PTPRA: variants seen among roughly 807,000 people sequenced by gnomAD.
PTPRA encodes protein tyrosine phosphatase receptor type A.
In PTPRA, 25 loss-of-function variants were observed where a neutral mutation model predicts 104.8. That is an observed-to-expected ratio of 0.24 (90% CI 0.17 to 0.33). The LOEUF (loss-of-function observed/expected upper bound fraction) is 0.33. PTPRA is among the 10% of genes least tolerant of loss of function. PTPRA has a pLI of 1.00. For missense variants in PTPRA, 765 were observed against 1,015.3 expected (o/e 0.75, Z 3.35); for synonymous variants, 323 against 368.9 (o/e 0.88, Z 1.43).
intron 1 of PTPRA, among the ~76,000 whole-genome samples, chr20:2,879,189 A>G (rs2089914720): frequency 6.6e-6 from 1 of 152,230 alleles, no homozygotes; most frequent in African/African-American, 2.4e-5. Context: ...CAGCAGCTAA[A>G]CAACATTTGC....
At chr20:2,999,377 G>A (rs1335673436) in intron 9 of PTPRA, among the ~76,000 whole-genome samples, 1 of 152,126 alleles carries the variant, frequency 6.6e-6, no homozygotes, top group Non-Finnish European at 1.5e-5. Flanking sequence ...TTATATGGAG[G>A]AGAAAAGATT....
At chr20:2,870,718 C>T (rs1004486502), upstream of PTPRA, among the ~76,000 whole-genome samples, 13 of 152,344 alleles carry the variant, frequency 8.5e-5, 1 homozygote, top group South Asian at 4.1e-4. Context: ...CCTTTCCCCC[C>T]ATCCTCCAGC....
chr20:2,882,280 TTTTC>T (rs1161450934), intron 1 of PTPRA, among the ~76,000 whole-genome samples: 30 of 149,702 alleles, frequency 2.0e-4, no homozygotes, highest in South Asian at 1.3e-3. Flanking sequence ...CTTTTTTTTC[TTTTC>T]TTTCTTTCTT....
chr20:2,974,512 C>T (rs1193675916), intron 5 of PTPRA, among the ~76,000 whole-genome samples: 1 of 151,740 alleles, frequency 6.6e-6, no homozygotes, highest in African/African-American at 2.4e-5. Context: ...CTGCAACCTC[C>T]CCCTCCTGGG....
chr20:2,898,936 G>T (rs2059124879), intron 1 of PTPRA, among the ~76,000 whole-genome samples: 1 of 152,196 alleles, frequency 6.6e-6, no homozygotes, highest in Non-Finnish European at 1.5e-5. Context: ...GGGAACCCTG[G>T]TTCCTTTTAT....
chr20:2,943,594 T>A (rs1269139649), intron 2 of PTPRA, among the ~76,000 whole-genome samples: 1 of 152,210 alleles, frequency 6.6e-6, no homozygotes, highest in Non-Finnish European at 1.5e-5. Flanking sequence ...CTGGACACTG[T>A]GGTGTGGCCC....
chr20:3,014,580 G>T (rs1195473091), intron 11 of PTPRA, among the ~76,000 whole-genome samples: 1 of 151,860 alleles, frequency 6.6e-6, no homozygotes, highest in African/African-American at 2.4e-5. Context: ...GGAGCAGAAG[G>T]TTGCCGTGAG....
intron 3 of PTPRA, among the ~76,000 whole-genome samples, chr20:2,948,930 T>G (rs6138959): frequency 2.0e-5 from 3 of 151,936 alleles, no homozygotes; most frequent in Admixed American, 1.3e-4. Context: ...CCAGCCTGGG[T>G]GACAGAGCGA....
chr20:2,920,872 T>C (rs2060073504), intron 1 of PTPRA, among the ~76,000 whole-genome samples: 1 of 152,072 alleles, frequency 6.6e-6, no homozygotes, highest in South Asian at 2.1e-4. Context: ...AGGCTATTTA[T>C]GTGCTGAGGG....
chr20:2,891,423 C>G (rs955143641), intron 1 of PTPRA, among the ~76,000 whole-genome samples: 2 of 152,136 alleles, frequency 1.3e-5, no homozygotes, highest in African/African-American at 4.8e-5. Flanking sequence ...CCGCTTGATC[C>G]TTGGTGGTGC....
chr20:2,961,630 C>G (rs1396629096), intron 3 of PTPRA, among the ~76,000 whole-genome samples: 1 of 152,176 alleles, frequency 6.6e-6, no homozygotes, highest in Non-Finnish European at 1.5e-5. Context: ...GAAGTCCAGA[C>G]TATCAATTAT....
chr20:2,944,741 T>C (rs2061061104), intron 2 of PTPRA, among the ~76,000 whole-genome samples: 1 of 152,216 alleles, frequency 6.6e-6, no homozygotes, highest in Non-Finnish European at 1.5e-5. Context: ...TACCACAGTG[T>C]CTTTTTTCCT....
chr20:2,946,819 G>C (rs1210136500), intron 2 of PTPRA, among the ~76,000 whole-genome samples: 1 of 151,850 alleles, frequency 6.6e-6, no homozygotes, highest in African/African-American at 2.4e-5. Context: ...CTGCACTCCA[G>C]CCTGGGCAAC....
chr20:2,988,735 A>G (rs926539840), intron 9 of PTPRA, among the ~76,000 whole-genome samples: 4 of 152,228 alleles, frequency 2.6e-5, no homozygotes, highest in Admixed American at 6.5e-5. Flanking sequence ...CTTAGCAAGC[A>G]TCTAATATTT....
In PTPRA at chr20:3,000,473, A is replaced by G. The variant is rs1026925634; in HGVS notation, c.739-4583A>G. Among the ~76,000 whole-genome samples, 4 of 152,324 alleles carry G rather than the reference A, an allele frequency of 2.6e-5. No individual in the cohort carries two copies. The East Asian group carries it at 5.8e-4, about 22-fold the overall frequency. ...GATAAGCATACGGAACTGGAACACT[A>G]CATTGCTGGTGGGAGTATAAATTAG... On this transcript the variant is annotated intron_variant, in intron 9 of 23. Transcript: ENST00000399903.
In PTPRA at chr20:3,030,642, G is replaced by A. The variant is rs979759684; in HGVS notation, c.1920+2801G>A. Among the ~76,000 whole-genome samples, 5 of 143,662 alleles carry A rather than the reference G, an allele frequency of 3.5e-5. No individual in the cohort carries two copies. The Admixed American group carries it at 3.5e-4, about 10-fold the overall frequency. 94.2% of individuals were successfully genotyped at this position (143,662 alleles called of 152,430 possible). ...TTCTGTACTTACAAATTAAAATCTC[G>A]AAGGAATTAAAAATTTTTAATTATC... On this transcript the variant is annotated intron_variant, in intron 20 of 23. Coordinates refer to ENST00000399903, the MANE Select transcript of PTPRA (RefSeq NM_001385305.1).
intron 13 of PTPRA, 58 bp downstream of exon 13, chr20:3,017,971 G>T: frequency 7.0e-7 from 1 of 1,423,888 alleles, no homozygotes; most frequent in Non-Finnish European, 9.9e-7. Context: ...TAAGCTCTGA[G>T]TTTAAGCCTG....
intron 17 of PTPRA, among the ~76,000 whole-genome samples, chr20:3,025,405 A>G (rs1406717681): frequency 6.6e-6 from 1 of 151,032 alleles, no homozygotes; most frequent in African/African-American, 2.4e-5. Flanking sequence ...GTGAGCCGAA[A>G]TCATGCCACT....
At chr20:3,015,818 C>G (rs1232303750) in intron 11 of PTPRA, 31 bp from the exon 12 acceptor site, 1 of 1,521,446 alleles carries the variant, frequency 6.6e-7, no homozygotes, top group African/African-American at 1.4e-5. Context: ...TTGGTTTTCT[C>G]TTTCTTTTTC....
Sources: allele counts gnomAD v4.1 joint callset (sites outside exome capture counted in the v4.1 genomes callset), GRCh38; gene constraint gnomAD v4.1.1; transcripts MANE v1.5; gene names NCBI Gene and HGNC (gene_info 2026-07-23, HGNC 2026-07-21).